KIAA1328: variants seen among roughly 807,000 people sequenced by gnomAD.
The protein encoded by KIAA1328 is protein hinderin.
Under a neutral mutation model 68.1 loss-of-function variants are expected in KIAA1328, and 52 were observed. The observed-to-expected ratio is 0.76, with a 90% CI of 0.61 to 0.96. KIAA1328 has a LOEUF of 0.96. Ranked by LOEUF, KIAA1328 falls within the 40% of genes least tolerant of loss-of-function variation. KIAA1328 has a pLI of 0.00. For synonymous variants in KIAA1328, 232 were observed against 239.4 expected (o/e 0.97, Z 0.28); for missense variants, 641 against 677.6 (o/e 0.95, Z 0.60).
At chr18:36,967,030 G>C (rs1038224995) in intron 6 of KIAA1328, among the ~76,000 whole-genome samples, 5 of 152,150 alleles carry the variant, frequency 3.3e-5, no homozygotes, top group African/African-American at 9.7e-5. Context: ...CTAAAGCTAT[G>C]GTATAGTAGG....
In KIAA1328 at chr18:36,930,534, G is replaced by A. The variant is rs76110420; in HGVS notation, c.449-28774G>A. 4.9e-4 allele frequency among the ~76,000 whole-genome samples: 75 copies of A among 152,250 alleles called. No individual in the cohort carries two copies. In the East Asian group the frequency reaches 9.8e-3, roughly 20 times the overall value. Reference sequence around the variant, plus strand: ...AGAAATACTTCATATTTATACAACTGTCTGTTCTCATTTTGAATTTAGCAA... The same window carrying A: ...AGAAATACTTCATATTTATACAACTATCTGTTCTCATTTTGAATTTAGCAA... On this transcript the variant is annotated intron_variant, in intron 5 of 9. Transcript: ENST00000280020.
chr18:37,021,522 A>G (rs2054346220), intron 6 of KIAA1328, among the ~76,000 whole-genome samples: 2 of 152,196 alleles, frequency 1.3e-5, no homozygotes, highest in Admixed American at 6.5e-5. Flanking sequence ...CTGACTCTCA[A>G]TATGGCATTT....
At chr18:36,933,652 C>T (rs1198942035) in intron 5 of KIAA1328, among the ~76,000 whole-genome samples, 1 of 152,228 alleles carries the variant, frequency 6.6e-6, no homozygotes, top group Non-Finnish European at 1.5e-5. Flanking sequence ...TCCTCCACAC[C>T]CTCTGGGTTG....
At chr18:37,146,474 T>A (rs986135411) in intron 7 of KIAA1328, among the ~76,000 whole-genome samples, 4 of 152,208 alleles carry the variant, frequency 2.6e-5, no homozygotes, top group African/African-American at 9.7e-5. Context: ...CCACATTTTT[T>A]AAATTCATTG....
intron 8 of KIAA1328, among the ~76,000 whole-genome samples, chr18:37,162,016 A>G (rs757682100): frequency 2.6e-5 from 4 of 152,228 alleles, no homozygotes; most frequent in Admixed American, 1.3e-4. Context: ...CTAATTTGAA[A>G]CAAAATCATT....
chr18:37,069,187 G>T (rs1471602398), intron 7 of KIAA1328, among the ~76,000 whole-genome samples: 1 of 151,370 alleles, frequency 6.6e-6, no homozygotes, highest in African/African-American at 2.4e-5. Context: ...AACCCCACTT[G>T]GTCATAATGT....
At chr18:37,183,029 G>A (rs1384941951) in intron 9 of KIAA1328, among the ~76,000 whole-genome samples, 2 of 152,102 alleles carry the variant, frequency 1.3e-5, no homozygotes, top group Non-Finnish European at 2.9e-5. Flanking sequence ...GAATGACCCT[G>A]CATTCAAAGG....
intron 7 of KIAA1328, among the ~76,000 whole-genome samples, chr18:37,116,189 G>A (rs113698208): frequency 2.6e-5 from 4 of 151,432 alleles, no homozygotes; most frequent in African/African-American, 7.3e-5. Context: ...CCAAAAAAGA[G>A]CCTGCATTGC....
chr18:36,876,148 C>T (rs565054822), intron 4 of KIAA1328, among the ~76,000 whole-genome samples: 1 of 152,148 alleles, frequency 6.6e-6, no homozygotes, highest in South Asian at 2.1e-4. Flanking sequence ...GCGTCTCTGC[C>T]AGGTTTTGGT....
chr18:36,943,654 G>A (rs2050791075), intron 5 of KIAA1328, among the ~76,000 whole-genome samples: 1 of 152,292 alleles, frequency 6.6e-6, no homozygotes, highest in East Asian at 1.9e-4. Context: ...CAAGTCATTT[G>A]GGTGTTGGAA....
rs745473424 is a variant in KIAA1328 at position 37,222,189 on chromosome 18, G to C, written c.1696G>C (p.Glu566Gln). Reference sequence around the variant, plus strand: ...GATGCACAGAACCCCTGAAGAGTTGGAGGAGAATCAGATTCTGGAAGATAT... The same window carrying C: ...GATGCACAGAACCCCTGAAGAGTTGCAGGAGAATCAGATTCTGGAAGATAT... ...MGMHRTPEELEENQILEDIFF... is the reference protein window; with the variant it reads ...MGMHRTPEELQENQILEDIFF... Residue 566 changes from glutamate (E) to glutamine (Q), a missense_variant, in exon 10 of 10, where the codon GAG becomes CAG. Transcript: ENST00000280020. 6.3e-7 allele frequency: 1 copy of C among 1,593,916 alleles called. No individual in the cohort carries two copies. The highest frequency in any genetic ancestry group is 1.8e-5 in the Admixed American group (1 of 56,504).
At chr18:37,010,441 TAAAAAAAAA>T (rs59927777) in intron 6 of KIAA1328, among the ~76,000 whole-genome samples, 3 of 90,316 alleles carry the variant, frequency 3.3e-5, no homozygotes, top group African/African-American at 5.3e-5. Context: ...AGACACCATC[TAAAAAAAAA>T]AAAAAAAAAA....
intron 4 of KIAA1328, among the ~76,000 whole-genome samples, chr18:36,858,795 T>C (rs962138873): frequency 6.6e-6 from 1 of 152,214 alleles, no homozygotes; most frequent in East Asian, 1.9e-4. Flanking sequence ...AAGTGCCCTT[T>C]CCATCACACA....
intron 5 of KIAA1328, among the ~76,000 whole-genome samples, chr18:36,935,593 A>T (rs779153999): frequency 6.6e-6 from 1 of 151,896 alleles, no homozygotes; most frequent in African/African-American, 2.4e-5. Context: ...TTTTGATGTT[A>T]TTGTTGTTTT....
chr18:37,115,831 T>C (rs1191154808), intron 7 of KIAA1328, among the ~76,000 whole-genome samples: 3 of 152,204 alleles, frequency 2.0e-5, no homozygotes, highest in East Asian at 3.8e-4. Flanking sequence ...GTATACAAAA[T>C]GAATGTGCAA....
chr18:37,120,221 C>CTGTGACTACTCAA (rs150232999), intron 7 of KIAA1328, among the ~76,000 whole-genome samples: 1 of 151,860 alleles, frequency 6.6e-6, no homozygotes, highest in Non-Finnish European at 1.5e-5. Context: ...ACCAATTAGT[C>CTGTGACTACTCAA]TGTGATCTAA....
intron 6 of KIAA1328, among the ~76,000 whole-genome samples, chr18:36,988,988 A>G (rs1422962388): frequency 1.3e-5 from 2 of 152,174 alleles, no homozygotes; most frequent in East Asian, 3.8e-4. Flanking sequence ...TAAATGCTTT[A>G]TGACAGTTCA....
intron 5 of KIAA1328, among the ~76,000 whole-genome samples, chr18:36,895,473 T>C (rs753407851): frequency 2.0e-5 from 3 of 152,210 alleles, no homozygotes; most frequent in Non-Finnish European, 4.4e-5. Flanking sequence ...ATCTGCTTCA[T>C]ATCTTCTAGC....
chr18:37,125,869 A>G (rs1362345287), intron 7 of KIAA1328, among the ~76,000 whole-genome samples: 1 of 152,210 alleles, frequency 6.6e-6, no homozygotes, highest in African/African-American at 2.4e-5. Context: ...AACAGTTGGT[A>G]CAGATATTCT....
Sources: allele counts gnomAD v4.1 joint callset (sites outside exome capture counted in the v4.1 genomes callset), GRCh38; gene constraint gnomAD v4.1.1; transcripts MANE v1.5; gene names NCBI Gene and HGNC (gene_info 2026-07-23, HGNC 2026-07-21).